NR3C2: variants seen among roughly 807,000 people sequenced by gnomAD.
NR3C2 encodes the protein mineralocorticoid receptor.
Under a neutral mutation model 86.4 loss-of-function variants are expected in NR3C2, and 15 were observed. The ratio of observed to expected loss-of-function variants is 0.17; its 90% CI spans 0.12 to 0.27. NR3C2 has a LOEUF of 0.27. Among genes scored for constraint, NR3C2 ranks in the 10% least tolerant of loss-of-function variants. NR3C2 has a pLI of 1.00. For missense variants in NR3C2, 960 were observed against 1,195.6 expected (o/e 0.80, Z 2.91); for synonymous variants, 458 against 450.5 (o/e 1.02, Z -0.21).
At chr4:148,099,314 C>T (rs1233511395) in intron 8 of NR3C2, among the ~76,000 whole-genome samples, 1 of 152,146 alleles carries the variant, frequency 6.6e-6, no homozygotes, top group Non-Finnish European at 1.5e-5. Flanking sequence ...CTGGAGATGC[C>T]CACTTTATGG....
At chr4:148,099,553 A>G (rs2149715642) in intron 8 of NR3C2, among the ~76,000 whole-genome samples, 1 of 152,380 alleles carries the variant, frequency 6.6e-6, no homozygotes, top group East Asian at 1.9e-4. Context: ...TTATAGAGAA[A>G]GGAATTAAGA....
chr4:148,205,209 A>G (rs1406332148), intron 3 of NR3C2, among the ~76,000 whole-genome samples: 12 of 152,256 alleles, frequency 7.9e-5, no homozygotes, highest in African/African-American at 2.4e-4. Context: ...ACTGAATCAT[A>G]AACTTCTACC....
chr4:148,311,661 C>G (rs1190206750), intron 2 of NR3C2, among the ~76,000 whole-genome samples: 1 of 152,170 alleles, frequency 6.6e-6, no homozygotes, highest in East Asian at 1.9e-4. Context: ...AGATGCCATT[C>G]ATTTGCTCAA....
chr4:148,359,320 G>T (rs1486611835), intron 2 of NR3C2, among the ~76,000 whole-genome samples: 2 of 152,224 alleles, frequency 1.3e-5, no homozygotes, highest in East Asian at 3.9e-4. Context: ...TTGTAACCTA[G>T]ATGTAATTTT....
chr4:148,368,102 C>G (rs1746240086), intron 2 of NR3C2, among the ~76,000 whole-genome samples: 1 of 152,102 alleles, frequency 6.6e-6, no homozygotes, highest in African/African-American at 2.4e-5. Context: ...CTAAATGTCT[C>G]TCAGATGCAT....
At chr4:148,195,661 G>T (rs193248569) in intron 3 of NR3C2, among the ~76,000 whole-genome samples, 2 of 152,308 alleles carry the variant, frequency 1.3e-5, no homozygotes, top group East Asian at 3.9e-4. Flanking sequence ...AAGGTCTATA[G>T]ATCTATCAGT....
chr4:148,265,433 T>C (rs577016232), intron 2 of NR3C2, among the ~76,000 whole-genome samples: 1 of 152,240 alleles, frequency 6.6e-6, no homozygotes, highest in East Asian at 1.9e-4. Context: ...CCTGGAGAAA[T>C]TGGCTCATTG....
intron 4 of NR3C2, among the ~76,000 whole-genome samples, chr4:148,190,336 T>C (rs1736137111): frequency 6.6e-6 from 1 of 152,228 alleles, no homozygotes; most frequent in African/African-American, 2.4e-5. Flanking sequence ...TGTATTTGTA[T>C]GGTTTTGAAG....
At chr4:148,370,563 T>A (rs915629680) in intron 2 of NR3C2, among the ~76,000 whole-genome samples, 38 of 152,158 alleles carry the variant, frequency 2.5e-4, no homozygotes, top group African/African-American at 8.7e-4. Context: ...AGACGTGTAT[T>A]GTTAGGAGTA....
At chr4:148,351,766 A>T (rs946326493) in intron 2 of NR3C2, among the ~76,000 whole-genome samples, 1 of 152,230 alleles carries the variant, frequency 6.6e-6, no homozygotes, top group Non-Finnish European at 1.5e-5. Context: ...TCACAGTGAT[A>T]AACTCAGAGT....
intron 6 of NR3C2, among the ~76,000 whole-genome samples, chr4:148,131,665 C>T (rs1207394759): frequency 6.6e-6 from 1 of 152,146 alleles, no homozygotes; most frequent in Non-Finnish European, 1.5e-5. Context: ...GTCTAGAAAT[C>T]ACCTGAGAAT....
intron 2 of NR3C2, among the ~76,000 whole-genome samples, chr4:148,360,597 C>T (rs1011377021): frequency 5.9e-5 from 9 of 152,006 alleles, no homozygotes; most frequent in African/African-American, 1.7e-4. Context: ...TATAAGTATC[C>T]GACATATTAA....
chr4:148,133,659 C>T (rs1733140939), intron 6 of NR3C2, among the ~76,000 whole-genome samples: 1 of 152,186 alleles, frequency 6.6e-6, no homozygotes, highest in Non-Finnish European at 1.5e-5. Flanking sequence ...TCATATTCTT[C>T]CTAAAGCAAA....
At chr4:148,196,637 C>T (rs1392456434) in intron 3 of NR3C2, among the ~76,000 whole-genome samples, 3 of 152,120 alleles carry the variant, frequency 2.0e-5, no homozygotes, top group Admixed American at 6.5e-5. Context: ...AAATAATGTG[C>T]ATCACTTAAT....
chr4:148,438,029 A>G (rs1303060980), intron 1 of NR3C2, among the ~76,000 whole-genome samples: 1 of 152,208 alleles, frequency 6.6e-6, no homozygotes, highest in East Asian at 1.9e-4. Flanking sequence ...ACAACCCTGA[A>G]TGACTGATAA....
intron 2 of NR3C2, among the ~76,000 whole-genome samples, chr4:148,305,909 A>G (rs766943756): frequency 2.6e-5 from 4 of 152,224 alleles, no homozygotes; most frequent in Non-Finnish European, 5.9e-5. Flanking sequence ...TCAAATAAGC[A>G]GCTGCTCCCA....
intron 2 of NR3C2, among the ~76,000 whole-genome samples, chr4:148,321,802 A>C (rs1186904703): frequency 6.6e-6 from 1 of 152,214 alleles, no homozygotes; most frequent in East Asian, 1.9e-4. Flanking sequence ...TCCTGAATAC[A>C]GCACACTGTT....
intron 4 of NR3C2, among the ~76,000 whole-genome samples, chr4:148,188,282 G>A (rs989926853): frequency 1.4e-4 from 22 of 152,174 alleles, no homozygotes; most frequent in African/African-American, 4.1e-4. Context: ...TGGGGATTGC[G>A]TTGAATTTGT....
chr4:148,231,195 C>A (rs1385351124), intron 3 of NR3C2, among the ~76,000 whole-genome samples: 4 of 152,168 alleles, frequency 2.6e-5, no homozygotes, highest in Admixed American at 2.6e-4. Context: ...GGATAAAATT[C>A]TCTAATGCAT....
Sources: allele counts gnomAD v4.1 joint callset (sites outside exome capture counted in the v4.1 genomes callset), GRCh38; gene constraint gnomAD v4.1.1; transcripts MANE v1.5; gene names NCBI Gene and HGNC (gene_info 2026-07-23, HGNC 2026-07-21).